ZMYND8: variants seen among roughly 807,000 people sequenced by gnomAD.
ZMYND8 encodes the protein zinc finger MYND-type containing 8.
A neutral mutation model predicts 140.8 loss-of-function variants in ZMYND8; 37 were observed. The ratio of observed to expected loss-of-function variants is 0.26; its 90% confidence interval spans 0.20 to 0.35. The LOEUF is 0.35. Ranked by LOEUF, ZMYND8 falls within the 10% of genes least tolerant of loss-of-function variation. ZMYND8 has a pLI of 1.00. For missense variants in ZMYND8, 1,068 were observed against 1,570.0 expected (o/e 0.68, Z 5.40); for synonymous variants, 592 against 597.1 (o/e 0.99, Z 0.12).
At chr20:47,228,762 C>T (rs775664311) in intron 17 of ZMYND8, among the ~76,000 whole-genome samples, 2 of 152,118 alleles carry the variant, frequency 1.3e-5, no homozygotes, top group Non-Finnish European at 2.9e-5. Flanking sequence ...CCTAAAAGGT[C>T]AATAGCTCTG....
rs1306317863 is a variant in ZMYND8 at position 47,298,194 on chromosome 20, A to G, written c.453+535T>C. ...GTCCTTTTCTGCTGGAAAAAAAAAA[A>G]TGATCCATGCCTGTTTTTGTGCACT... On this transcript the variant is annotated intron_variant, in intron 4 of 22. Transcript: ENST00000471951. This position sits in a 1 kb window ranked among gnomAD's most constrained non-coding sequence, Gnocchi z 5.0. 2.5e-5 allele frequency: 22 copies of G among 882,944 alleles called. No individual in the cohort carries two copies. Among genetic ancestry groups the G allele is most frequent in the Non-Finnish European group, 2.9e-5 (21 of 736,768 alleles). The allele number at this position is 882,944 out of a possible 1,614,324, so 54.7% of individuals were successfully genotyped here. A position where few individuals can be genotyped will look rare whatever the true frequency, so the allele number is the denominator to read the frequency against.
intron 14 of ZMYND8, among the ~76,000 whole-genome samples, chr20:47,243,278 C>T (rs1285015974): frequency 6.6e-6 from 1 of 152,176 alleles, no homozygotes; most frequent in Non-Finnish European, 1.5e-5. Context: ...TGCTCTCTAG[C>T]GGAGTCTGAC....
chr20:47,331,340 G>A (rs571863353), intron 2 of ZMYND8, among the ~76,000 whole-genome samples: 33 of 152,236 alleles, frequency 2.2e-4, no homozygotes, highest in Middle Eastern at 3.4e-3. Context: ...TGACATTTAG[G>A]ATACGATATT....
intron 8 of ZMYND8, among the ~76,000 whole-genome samples, chr20:47,283,888 C>T (rs1448479171): frequency 2.0e-5 from 3 of 152,060 alleles, no homozygotes; most frequent in South Asian, 2.1e-4. Flanking sequence ...CCACTTTTAC[C>T]CCCATTATAG....
At chr20:47,302,499 C>T (rs532439693) in intron 3 of ZMYND8, among the ~76,000 whole-genome samples, 14 of 151,866 alleles carry the variant, frequency 9.2e-5, no homozygotes, top group South Asian at 2.1e-4. Context: ...GTCCCATCCC[C>T]GAGATATCTC....
At chr20:47,285,530 C>A (rs1325185522) in intron 8 of ZMYND8, among the ~76,000 whole-genome samples, 1 of 152,138 alleles carries the variant, frequency 6.6e-6, no homozygotes, top group Non-Finnish European at 1.5e-5. Context: ...ATCGTTGGGG[C>A]AGGGGGGCAC....
At chr20:47,347,583 C>T (rs2082434342) in intron 2 of ZMYND8, among the ~76,000 whole-genome samples, 1 of 152,110 alleles carries the variant, frequency 6.6e-6, no homozygotes, top group African/African-American at 2.4e-5. Flanking sequence ...TCCTGAAAGT[C>T]ACCCTGCGGA....
At chr20:47,320,771 G>A (rs2079877362) in intron 2 of ZMYND8, 1 of 152,194 alleles carries the variant, frequency 6.6e-6, no homozygotes, top group African/African-American at 2.4e-5. Context: ...TAGTAGTGGG[G>A]TGATTCTAAG....
At position 47,216,495 on chromosome 20, in the gene ZMYND8, C is replaced by CAAAAAAAAAA. The variant is rs10536216; in HGVS notation, c.3484+3753_3484+3762dup. Among the ~76,000 whole-genome samples, 285 of 59,424 alleles carry CAAAAAAAAAA rather than the reference C, an allele frequency of 4.8e-3. 15 individuals are homozygous for CAAAAAAAAAA. Among genetic ancestry groups the CAAAAAAAAAA allele is most frequent in the African/African-American group, 0.016 (267 of 16,336 alleles). 39.0% of individuals were successfully genotyped at this position (59,424 alleles called of 152,430 possible). ...GGACAACAGAGCGAAGACTCTGTCTCAAAAAAAAAAAAAAAAAAAAAAAGG... is the reference window on the plus strand; with the variant it reads ...GGACAACAGAGCGAAGACTCTGTCTCAAAAAAAAAAAAAAAAAAAAAAAAAAAAAAAAAGG... On this transcript the variant is annotated intron_variant, in intron 21 of 22. Transcript: ENST00000471951.
At chr20:47,294,638 C>T (rs1031806033) in intron 5 of ZMYND8, 28 bp downstream of exon 5, 7 of 1,595,034 alleles carry the variant, frequency 4.4e-6, no homozygotes, top group Non-Finnish European at 4.3e-6. Context: ...TTCATTTACG[C>T]GTATACCAAG....
chr20:47,293,462 C>G (rs2077433091), intron 5 of ZMYND8, among the ~76,000 whole-genome samples: 1 of 152,184 alleles, frequency 6.6e-6, no homozygotes, highest in South Asian at 2.1e-4. Context: ...CCTTCCCCCA[C>G]ATGCAGATTT....
intron 12 of ZMYND8, among the ~76,000 whole-genome samples, chr20:47,251,197 G>A (rs6094635): frequency 0.064 from 9,788 of 152,142 alleles, 1,068 homozygotes; most frequent in African/African-American, 0.22. Context: ...GCATGCATGT[G>A]TGTGTGCACA....
At position 47,336,605 on chromosome 20, in the gene ZMYND8, C is replaced by G. The variant is rs560488851; in HGVS notation, c.85+11251G>C. Among the ~76,000 whole-genome samples, 17 of 152,314 alleles carry G rather than the reference C, an allele frequency of 1.1e-4. No individual in the cohort carries two copies. The East Asian group carries it at 3.1e-3, about 28-fold the overall frequency. ...CCTTCAAGGCGCTTGTTCTGACTCACGCATGGTGAGGCCAAATTCTGCAAT... is the reference window on the plus strand; with the variant it reads ...CCTTCAAGGCGCTTGTTCTGACTCAGGCATGGTGAGGCCAAATTCTGCAAT... On this transcript the variant is annotated intron_variant, in intron 2 of 22. Transcript: ENST00000471951.
chr20:47,294,223 G>A (rs1230871502), intron 5 of ZMYND8, among the ~76,000 whole-genome samples: 3 of 152,058 alleles, frequency 2.0e-5, no homozygotes, highest in African/African-American at 7.2e-5. Context: ...GCGGTGGCGG[G>A]AGCCTGTAAT....
chr20:47,294,882 T>C, intron 4 of ZMYND8, 103 bp from the exon 5 acceptor site: 1 of 1,065,194 alleles, frequency 9.4e-7, no homozygotes, highest in Non-Finnish European at 1.4e-6. Flanking sequence ...AAAAAGCAAT[T>C]CTCATCCCAA....
intron 5 of ZMYND8, among the ~76,000 whole-genome samples, chr20:47,292,175 G>T (rs764354089): frequency 1.3e-5 from 2 of 152,080 alleles, no homozygotes; most frequent in African/African-American, 4.8e-5. Flanking sequence ...ATTACAATAC[G>T]CACTGTAAGT....
In ZMYND8 at chr20:47,240,721, A is replaced by T. The variant is rs1601158076; in HGVS notation, c.2285-1583T>A. Among the ~76,000 whole-genome samples, 6 of 150,100 alleles carry T rather than the reference A, an allele frequency of 4.0e-5. No individual in the cohort carries two copies. The South Asian group carries it at 1.1e-3, about 27-fold the overall frequency. ...AGGCGCCTGCCACCGCACCCAGCTAATTTTTTTTATTTTCAGCAGAGACGG... is the reference window on the plus strand; with the variant it reads ...AGGCGCCTGCCACCGCACCCAGCTATTTTTTTTTATTTTCAGCAGAGACGG... On this transcript the variant is annotated intron_variant, in intron 14 of 22. Transcript: ENST00000471951.
intron 14 of ZMYND8, among the ~76,000 whole-genome samples, chr20:47,241,391 C>G (rs143434933): frequency 6.6e-6 from 1 of 151,720 alleles, no homozygotes; most frequent in African/African-American, 2.4e-5. Context: ...GTGAATGACT[C>G]AAGTTTGAAA....
At chr20:47,267,742 C>T (rs1481444614) in intron 11 of ZMYND8, among the ~76,000 whole-genome samples, 2 of 152,230 alleles carry the variant, frequency 1.3e-5, no homozygotes, top group African/African-American at 2.4e-5. Context: ...CAAACCCAAC[C>T]TTTCCTTTCT....
Sources: allele counts gnomAD v4.1 joint callset (sites outside exome capture counted in the v4.1 genomes callset), GRCh38; gene constraint gnomAD v4.1.1; non-coding constraint Gnocchi (gnomAD v3.1); transcripts MANE v1.5; gene names NCBI Gene and HGNC (gene_info 2026-07-23, HGNC 2026-07-21).